FIG4: variants seen among roughly 807,000 people sequenced by gnomAD.
The protein encoded by FIG4 is FIG4 phosphoinositide 5-phosphatase.
Under a neutral mutation model 118.6 loss-of-function variants are expected in FIG4, and 112 were observed. The ratio of observed to expected loss-of-function variants is 0.94; its 90% CI spans 0.81 to 1.11. The LOEUF (loss-of-function observed/expected upper bound fraction) is 1.11. Among genes scored for constraint, FIG4 ranks in the 50% least tolerant of loss-of-function variants. The pLI, the probability that FIG4 is intolerant of heterozygous loss-of-function variation, is 0.00. For synonymous variants in FIG4, 369 were observed against 381.2 expected (o/e 0.97, Z 0.37); for missense variants, 969 against 1,111.7 (o/e 0.87, Z 1.83).
chr6:109,745,530 C>G (rs1776466378), intron 10 of FIG4, among the ~76,000 whole-genome samples: 1 of 152,020 alleles, frequency 6.6e-6, no homozygotes, highest in South Asian at 2.1e-4. Flanking sequence ...CTTGTAGATT[C>G]TGGATAGTAG....
rs76118871 is a variant in FIG4, at chr6:109,696,907, A to G, written c.66+5406A>G. On this transcript the variant is annotated intron_variant, in intron 1 of 22. Transcript: ENST00000230124. ...AAAGGATTTTGAGTGATCCCAACAC[A>G]AAGAAATTATAGATGTTTGAGGTGA... Among the ~76,000 whole-genome samples the G allele has an allele frequency of 1.9e-3, 295 of 152,362 alleles. 1 individual carries two copies. The highest frequency in any genetic ancestry group is 6.7e-3 in the African/African-American group (279 of 41,584).
intron 1 of FIG4, among the ~76,000 whole-genome samples, chr6:109,707,295 G>A (rs766207093): frequency 2.7e-5 from 4 of 148,568 alleles, no homozygotes; most frequent in Non-Finnish European, 4.5e-5. Context: ...ATATATATGT[G>A]TGTGTGTGTG....
intron 22 of FIG4, among the ~76,000 whole-genome samples, chr6:109,813,412 T>C (rs528624659): frequency 1.3e-5 from 2 of 152,238 alleles, no homozygotes; most frequent in East Asian, 3.8e-4. Context: ...TAAAATGTCC[T>C]TAATTGCAAA....
At chr6:109,804,743 C>T (rs1408961468) in intron 22 of FIG4, among the ~76,000 whole-genome samples, 1 of 152,094 alleles carries the variant, frequency 6.6e-6, no homozygotes, top group African/African-American at 2.4e-5. Flanking sequence ...TAAAGATCTG[C>T]TCATATTTTA....
chr6:109,707,010 CCTGT>C (rs1775088616), intron 1 of FIG4, among the ~76,000 whole-genome samples: 1 of 152,118 alleles, frequency 6.6e-6, no homozygotes, highest in African/African-American at 2.4e-5. Flanking sequence ...TTCCTGTTTG[CCTGT>C]CTGTCTAACT....
In FIG4 at chr6:109,699,490, TTTTG is replaced by T. The variant is rs752024002; in HGVS notation, c.66+7997_66+8000del. ...TTTTTTTTCCTCATACGCGGTTTTT[TTTTG>T]TTTGTTTTTTTTTTGTTTTTTTTTT... is the stretch of plus-strand genomic sequence containing the variant. On this transcript the variant is annotated intron_variant, in intron 1 of 22. Coordinates refer to ENST00000230124, the MANE Select transcript of FIG4 (RefSeq NM_014845.6). 1.1e-3 allele frequency among the ~76,000 whole-genome samples: 167 copies of T among 151,840 alleles called. 1 individual carries two copies. The highest frequency in any genetic ancestry group is 2.1e-3 in the South Asian group (10 of 4,806).
Position 109,760,187 on chromosome 6 carries a change from G to A in FIG4, c.1138-63G>A, listed in dbSNP as rs560417618. 7.7e-6 allele frequency: 11 copies of A among 1,431,716 alleles called. No homozygotes were observed. The African/African-American group carries it at 1.5e-4, about 20-fold the overall frequency. 88.7% of individuals were successfully genotyped at this position (1,431,716 alleles called of 1,614,324 possible). ...CTTAGCTTAGCTTAAAAGTAAACAT[G>A]TTGAGCCTGTTCCTCTGATTTAAGG... On this transcript the variant is annotated intron_variant, in intron 10 of 22. Coordinates refer to ENST00000230124, the MANE Select transcript of FIG4 (RefSeq NM_014845.6).
At chr6:109,761,132 TAC>T (rs1340663228) in intron 11 of FIG4, among the ~76,000 whole-genome samples, 1 of 152,218 alleles carries the variant, frequency 6.6e-6, no homozygotes, top group Admixed American at 6.5e-5. Flanking sequence ...TACAGTTAGA[TAC>T]ACACACACTT....
At chr6:109,759,021 A>C (rs1232739838) in intron 10 of FIG4, among the ~76,000 whole-genome samples, 1 of 152,248 alleles carries the variant, frequency 6.6e-6, no homozygotes, top group African/African-American at 2.4e-5. Context: ...TAGTTCAACC[A>C]TTGTGGAAGA....
Position 109,751,960 on chromosome 6 carries a change from G to A in FIG4, c.1137+8188G>A, listed in dbSNP as rs1013880947. Among the ~76,000 whole-genome samples the A allele has an allele frequency of 2.4e-3, 352 of 147,970 alleles. 4 individuals carry two copies. Among genetic ancestry groups the A allele is most frequent in the Admixed American group, 3.3e-3 (49 of 14,910 alleles). Reference sequence around the variant, plus strand: ...CCATTAACTCGTCGTTTAGCATTAGGTATATCTCCTAATGCTATCCCTCCC... The same window carrying A: ...CCATTAACTCGTCGTTTAGCATTAGATATATCTCCTAATGCTATCCCTCCC... On this transcript the variant is annotated intron_variant, in intron 10 of 22. Transcript: ENST00000230124.
chr6:109,721,267 G>T (rs1775599541), intron 3 of FIG4, among the ~76,000 whole-genome samples: 2 of 152,162 alleles, frequency 1.3e-5, no homozygotes, highest in South Asian at 2.1e-4. Flanking sequence ...TGGTAGTAGA[G>T]ATGTCACTTT....
chr6:109,695,579 TACACACACACACACACACACAG>T (rs1173795005), intron 1 of FIG4, among the ~76,000 whole-genome samples: 1 of 148,730 alleles, frequency 6.7e-6, no homozygotes, highest in Non-Finnish European at 1.5e-5. Flanking sequence ...ATGCAGTGAA[TACACACACACACACACACACAG>T]ACACACACAC....
Position 109,727,264 on chromosome 6 carries a change from A to C in FIG4, c.445A>C (p.Arg149=). The part of the protein sequence containing the change: ...SVRVTHPDEA[R]YLRIFQNVDL... Reference sequence around the variant, plus strand: ...ACGGGTTACTCATCCTGATGAAGCTAGGTATGTATGGTGGTAACTACCTTT... The same window carrying C: ...ACGGGTTACTCATCCTGATGAAGCTCGGTATGTATGGTGGTAACTACCTTT... Residue 149 remains arginine, a splice_region_variant and synonymous_variant, in exon 4 of 23, where the codon AGG becomes CGG. Transcript: ENST00000230124. 1.2e-6 allele frequency: 2 copies of C among 1,604,020 alleles called. No homozygotes were observed. The highest frequency in any genetic ancestry group is 1.7e-4 in the Middle Eastern group (1 of 6,030).
At position 109,738,401 on chromosome 6, in the gene FIG4, TG is replaced by T; in HGVS notation, c.724del (p.Val242CysfsTer20). 6.2e-7 allele frequency: 1 copy of T among 1,612,386 alleles called. No individual in the cohort carries two copies. Among genetic ancestry groups the T allele is most frequent in the African/African-American group, 1.3e-5 (1 of 74,966 alleles). ...AACTTCTGGATATAATTAAAAGTAC[TG>T]TGCATCGTGACTGGCTTTTGTATAT... ...GELLDIIKST[V>X]HRDWLLYIIH... On this transcript the variant is annotated frameshift_variant, in exon 7 of 23. Coordinates refer to ENST00000230124, the MANE Select transcript of FIG4 (RefSeq NM_014845.6). LOFTEE classifies it high-confidence loss of function.
chr6:109,694,278 G>A (rs981940517), intron 1 of FIG4, among the ~76,000 whole-genome samples: 28 of 152,182 alleles, frequency 1.8e-4, no homozygotes, highest in African/African-American at 6.3e-4. Context: ...CAAGCTTAGC[G>A]TTCCAATAAC....
intron 22 of FIG4, among the ~76,000 whole-genome samples, chr6:109,804,160 G>A (rs768123575): frequency 3.3e-5 from 5 of 152,050 alleles, no homozygotes; most frequent in Non-Finnish European, 1.5e-5. Context: ...GAGCAGATTT[G>A]GATATCTGAT....
chr6:109,780,479 C>T (rs888647769), intron 16 of FIG4, among the ~76,000 whole-genome samples: 9 of 152,116 alleles, frequency 5.9e-5, no homozygotes, highest in Non-Finnish European at 1.0e-4. Context: ...CCCAAATTGC[C>T]GGGATTACAG....
At chr6:109,727,376 CCTCCCAGG>C in intron 4 of FIG4, 111 bp downstream of exon 4, 1 of 848,848 alleles carries the variant, frequency 1.2e-6, no homozygotes, top group East Asian at 2.4e-5. Flanking sequence ...GTAGCCTTGG[CCTCCCAGG>C]CTCAAGTACT....
chr6:109,781,199 C>G (rs547183826), intron 16 of FIG4, among the ~76,000 whole-genome samples: 4 of 152,306 alleles, frequency 2.6e-5, no homozygotes, highest in Admixed American at 2.0e-4. Context: ...ATCTGCTTCT[C>G]TGTAATCTTA....
Sources: gnomAD v4.1 joint callset for allele counts (sites outside exome capture counted in the v4.1 genomes callset) on GRCh38, gnomAD v4.1.1 for gene constraint, MANE v1.5 for transcripts, NCBI Gene and HGNC (gene_info 2026-07-23, HGNC 2026-07-21) for gene names.